The following EBF1 variants were observed in gnomAD, a reference collection of about 807,000 sequenced individuals.
EBF1 encodes the protein transcription factor COE1.
Under a neutral mutation model 68.4 loss-of-function variants are expected in EBF1, and 10 were observed. The ratio of observed to expected loss-of-function variants is 0.15; its 90% CI spans 0.09 to 0.25. The LOEUF is 0.25. EBF1 is among the 10% of genes least tolerant of loss of function. The probability of loss-of-function intolerance (pLI) is 1.00; values close to 1 mark genes in which losing one functional copy is unlikely to be tolerated. For missense variants in EBF1, 509 were observed against 794.4 expected, an observed-to-expected ratio of 0.64 and a Z score of 4.32; for synonymous variants, 298 against 299.8, an observed-to-expected ratio of 0.99 and a Z score of 0.06.
chr5:158,815,993 T>C (rs1783663799), intron 8 of EBF1, among the ~76,000 whole-genome samples: 1 of 152,234 alleles, frequency 6.6e-6, no homozygotes, highest in Non-Finnish European at 1.5e-5. Context: ...TACACCTGTC[T>C]TCTTTTCTCA....
intron 1 of EBF1, among the ~76,000 whole-genome samples, chr5:159,099,072 G>A (rs1783166720): frequency 6.6e-6 from 1 of 152,174 alleles, no homozygotes; most frequent in Non-Finnish European, 1.5e-5. Context: ...CCTCTTCTGG[G>A]TTAAAACAAA....
At chr5:158,898,913 T>C (rs2127279804) in intron 6 of EBF1, among the ~76,000 whole-genome samples, 1 of 152,266 alleles carries the variant, frequency 6.6e-6, no homozygotes, top group Middle Eastern at 3.4e-3. Flanking sequence ...CCTCCCTCCC[T>C]ACAGTGACAA....
intron 6 of EBF1, among the ~76,000 whole-genome samples, chr5:159,007,458 T>C (rs1408260476): frequency 6.6e-6 from 1 of 152,220 alleles, no homozygotes; most frequent in Non-Finnish European, 1.5e-5. Flanking sequence ...ACAAAGCTTA[T>C]TGTGTACTAC....
chr5:158,972,060 G>C lies in EBF1; in HGVS notation c.554+101336C>G, dbSNP rs558892284. Among the ~76,000 whole-genome samples the C allele has an allele frequency of 3.3e-5, 5 of 152,288 alleles. No homozygotes were observed. In the South Asian group the frequency reaches 1.0e-3, roughly 32 times the overall value. ...TAACCTTCCTTTTGGAGAACACACT[G>C]GGTTCTCTAGAGAATGAAACTTCAG... On this transcript the variant is annotated intron_variant, in intron 6 of 15. Transcript: ENST00000313708.
chr5:158,745,703 T>A (rs1767416340), intron 10 of EBF1, among the ~76,000 whole-genome samples: 2 of 152,298 alleles, frequency 1.3e-5, no homozygotes, highest in East Asian at 1.9e-4. Flanking sequence ...TGGATATAAT[T>A]TGTTGTCTAA....
At chr5:159,057,334 T>C (rs1774961623) in intron 6 of EBF1, among the ~76,000 whole-genome samples, 1 of 152,210 alleles carries the variant, frequency 6.6e-6, no homozygotes, top group Non-Finnish European at 1.5e-5. Flanking sequence ...CTCGAACTCC[T>C]AATCTCAGGT....
rs191461054 is a variant in EBF1 at position 158,974,582 on chromosome 5, A to G, written c.554+98814T>C. On this transcript the variant is annotated intron_variant, in intron 6 of 15. Transcript: ENST00000313708. ...ACACACATTATCTCCCTGATAGGCA[A>G]TAATGGCTCTTTAAGGCGCTGTCAT... 1.9e-3 allele frequency among the ~76,000 whole-genome samples: 289 copies of G among 152,370 alleles called. 1 individual carries two copies. The highest frequency in any genetic ancestry group is 6.1e-3 in the African/African-American group (255 of 41,594).
At chr5:158,770,613 C>A (rs1773670203) in intron 10 of EBF1, among the ~76,000 whole-genome samples, 2 of 152,110 alleles carry the variant, frequency 1.3e-5, no homozygotes, top group African/African-American at 4.8e-5. Flanking sequence ...TCCAGCCTCA[C>A]TGCAATTCTT....
chr5:158,967,968 G>A (rs1461360636), intron 6 of EBF1, among the ~76,000 whole-genome samples: 1 of 152,160 alleles, frequency 6.6e-6, no homozygotes, highest in African/African-American at 2.4e-5. Flanking sequence ...AAATCTAGAA[G>A]ACCTGTCTTG....
chr5:158,701,007 G>C (rs974982724), intron 15 of EBF1, among the ~76,000 whole-genome samples: 1 of 152,124 alleles, frequency 6.6e-6, no homozygotes, highest in Non-Finnish European at 1.5e-5. Context: ...TGGAGAATTC[G>C]AGATGCTATC....
intron 6 of EBF1, among the ~76,000 whole-genome samples, chr5:159,031,586 C>T (rs1768894139): frequency 6.6e-6 from 1 of 152,348 alleles, no homozygotes; most frequent in Admixed American, 6.5e-5. Flanking sequence ...GGGGAGGAGG[C>T]AAAGTCTGTG....
At chr5:158,736,865 A>G (rs1259575467) in intron 10 of EBF1, among the ~76,000 whole-genome samples, 1 of 152,208 alleles carries the variant, frequency 6.6e-6, no homozygotes, top group Non-Finnish European at 1.5e-5. Context: ...AAATATATAA[A>G]CCGAAAAATC....
intron 10 of EBF1, among the ~76,000 whole-genome samples, chr5:158,773,797 G>C (rs185771403): frequency 6.6e-6 from 1 of 152,082 alleles, no homozygotes; most frequent in Admixed American, 6.6e-5. Flanking sequence ...GAGAGATCAC[G>C]ATTCGAAAAG....
intron 6 of EBF1, among the ~76,000 whole-genome samples, chr5:158,999,877 CT>C (rs1183702442): frequency 2.0e-5 from 3 of 152,140 alleles, no homozygotes; most frequent in African/African-American, 7.2e-5. Context: ...TTCACTTTTT[CT>C]GCTGTTTTGC....
At chr5:158,829,623 G>A (rs1479687459) in intron 7 of EBF1, among the ~76,000 whole-genome samples, 1 of 152,070 alleles carries the variant, frequency 6.6e-6, no homozygotes, top group Non-Finnish European at 1.5e-5. Flanking sequence ...TTATATTTCT[G>A]TAAACCTAAA....
At chr5:159,067,495 T>G (rs181695460) in intron 6 of EBF1, among the ~76,000 whole-genome samples, 51 of 152,358 alleles carry the variant, frequency 3.3e-4, no homozygotes, top group Middle Eastern at 6.8e-3. Context: ...TTATACCATG[T>G]AAAAGTACTT....
intron 6 of EBF1, among the ~76,000 whole-genome samples, chr5:159,049,240 A>T (rs1372394301): frequency 6.6e-6 from 1 of 152,256 alleles, no homozygotes; most frequent in Non-Finnish European, 1.5e-5. Flanking sequence ...TTACTTAGAC[A>T]TTGCCATTAA....
chr5:158,781,491 C>A (rs1009301731), intron 9 of EBF1, among the ~76,000 whole-genome samples: 2 of 152,108 alleles, frequency 1.3e-5, no homozygotes, highest in South Asian at 2.1e-4. Flanking sequence ...ATTTTATTAG[C>A]AACAGAGTAA....
At chr5:159,041,872 C>G (rs1209208835) in intron 6 of EBF1, among the ~76,000 whole-genome samples, 3 of 152,094 alleles carry the variant, frequency 2.0e-5, no homozygotes, top group African/African-American at 7.2e-5. Flanking sequence ...CTGTCATGTC[C>G]GTGTGTTGCA....
Sources: allele counts gnomAD v4.1 joint callset (sites outside exome capture counted in the v4.1 genomes callset), GRCh38; gene constraint gnomAD v4.1.1; transcripts MANE v1.5; gene names NCBI Gene and HGNC (gene_info 2026-07-23, HGNC 2026-07-21).